ANK2: variants seen among roughly 807,000 people sequenced by gnomAD.
ANK2 encodes the protein ankyrin-2.
ANK2 carries 83 observed loss-of-function variants against 360.5 expected under a neutral mutation model. That is an observed-to-expected ratio of 0.23 (90% CI 0.19 to 0.28). ANK2 has a LOEUF of 0.28. Ranked by LOEUF, ANK2 falls within the 10% of genes least tolerant of loss-of-function variation. The pLI is 1.00. For missense variants in ANK2, 4,201 were observed against 4,795.7 expected (o/e 0.88, Z 3.66); for synonymous variants, 1,740 against 1,759.5 (o/e 0.99, Z 0.28).
intron 1 of ANK2, among the ~76,000 whole-genome samples, chr4:112,897,314 C>CAAAA (rs2082061777): frequency 6.6e-6 from 1 of 152,156 alleles, no homozygotes; most frequent in Non-Finnish European, 1.5e-5. Context: ...TTGTTCAATG[C>CAAAA]CTTTTGTTCA....
the ANK2 span, among the ~76,000 whole-genome samples, chr4:112,727,732 A>G: frequency 6.6e-6 from 1 of 152,180 alleles, no homozygotes; most frequent in Non-Finnish European, 1.5e-5. Context: ...TAACCCCAGC[A>G]CGTTGGGAGG....
chr4:113,363,544 G>A (rs2096359457), intron 40 of ANK2, 75 bp downstream of exon 40: 1 of 1,559,948 alleles, frequency 6.4e-7, no homozygotes, highest in Non-Finnish European at 8.8e-7. Context: ...TGCAAATTCA[G>A]TAGAATAGTA....
chr4:112,874,188 T>TCTC (rs1262186125), intron 1 of ANK2, among the ~76,000 whole-genome samples: 1 of 148,158 alleles, frequency 6.7e-6, no homozygotes, highest in Non-Finnish European at 1.5e-5. Flanking sequence ...TTCAAGCGAT[T>TCTC]CTCCTGCCTC....
chr4:113,201,423 T>A (rs1271650030), intron 4 of ANK2, among the ~76,000 whole-genome samples: 1 of 152,178 alleles, frequency 6.6e-6, no homozygotes, highest in Non-Finnish European at 1.5e-5. Context: ...ATTTCTGAAC[T>A]ATGGCTTTAG....
intron 2 of ANK2, among the ~76,000 whole-genome samples, chr4:112,951,870 C>T (rs2095041019): frequency 6.6e-6 from 1 of 152,134 alleles, no homozygotes; most frequent in Non-Finnish European, 1.5e-5. Flanking sequence ...GCTTTCATTG[C>T]TTTTTGCTGA....
chr4:112,741,061 C>T, the ANK2 span, among the ~76,000 whole-genome samples: 1 of 151,842 alleles, frequency 6.6e-6, no homozygotes, highest in Non-Finnish European at 1.5e-5. Flanking sequence ...AACTCCTTGC[C>T]TAAAGTGATC....
rs1294900398 is a variant in ANK2, at chr4:113,341,733, T to C, written c.3939T>C (p.Phe1313=). 2.5e-6 allele frequency: 4 copies of C among 1,614,172 alleles called. No homozygotes were observed. The South Asian group carries it at 4.4e-5, about 18-fold the overall frequency. The change falls in exon 33 of 46, where the codon TTT becomes TTC. Residue 1313 remains phenylalanine (F), a synonymous_variant. Transcript: ENST00000357077. The part of the protein sequence containing the change: ...DCRQIQESVT[F]ASQVYREIIC... ...GACAGATCCAGGAATCCGTTACTTT[T>C]GCATCACAAGTATACAGAGAAATTA...
chr4:113,324,440 C>T (rs1209953212), intron 26 of ANK2, among the ~76,000 whole-genome samples: 2 of 152,070 alleles, frequency 1.3e-5, no homozygotes, highest in Non-Finnish European at 2.9e-5. Flanking sequence ...ATTATACAGC[C>T]ATCCATTATG....
the ANK2 span, among the ~76,000 whole-genome samples, chr4:112,716,477 GC>G: frequency 1.3e-5 from 2 of 152,062 alleles, no homozygotes; most frequent in Non-Finnish European, 2.9e-5. Flanking sequence ...AGGTGTATAT[GC>G]TATTGTGAAA....
chr4:113,059,550 T>C (rs1379017799), intron 1 of ANK2, among the ~76,000 whole-genome samples: 1 of 152,108 alleles, frequency 6.6e-6, no homozygotes, highest in African/African-American at 2.4e-5. Flanking sequence ...AGAGTTATCA[T>C]AATGGTTCAT....
intron 1 of ANK2, among the ~76,000 whole-genome samples, chr4:112,826,145 T>C (rs2058365707): frequency 6.6e-6 from 1 of 152,224 alleles, no homozygotes; most frequent in East Asian, 1.9e-4. Context: ...TAATACTTCG[T>C]TTATTTAGGG....
At chr4:112,844,017 CA>C (rs779712610) in intron 1 of ANK2, among the ~76,000 whole-genome samples, 6 of 152,078 alleles carry the variant, frequency 3.9e-5, no homozygotes, top group Non-Finnish European at 2.9e-5. Flanking sequence ...TGCTAGACAA[CA>C]CAAAATTGTT....
At chr4:112,994,004 G>A (rs941972895) in intron 2 of ANK2, among the ~76,000 whole-genome samples, 1 of 152,044 alleles carries the variant, frequency 6.6e-6, no homozygotes, top group Non-Finnish European at 1.5e-5. Flanking sequence ...CACCATGCCC[G>A]GCCGGCAACT....
In ANK2 at chr4:113,355,552, A is replaced by T. The variant is rs771983465; in HGVS notation, c.6934A>T (p.Thr2312Ser). The change falls in exon 38 of 46, where the codon ACT becomes TCT. Residue 2312 changes from threonine to serine, a missense_variant. Thr to Ser is a moderately conservative substitution (Grantham distance 58). This residue lies in a region of ANK2 where 2,642 missense variants were observed against 2,714.5 expected (regional missense o/e 0.97). Coordinates refer to ENST00000357077, the MANE Select transcript of ANK2 (RefSeq NM_001148.6). ...TACTGAGAGTTTTCAGAAAGAGGCC[A>T]CTCTAGGCTCTCCCAAAGACACAAG... Reference protein sequence around the residue: ...TSTESFQKEATLGSPKDTSPK... With the variant: ...TSTESFQKEASLGSPKDTSPK... 6.2e-7 allele frequency: 1 copy of T among 1,613,908 alleles called. No homozygotes were observed. Among genetic ancestry groups the T allele is most frequent in the African/African-American group, 1.3e-5 (1 of 74,892 alleles).
chr4:112,727,052 G>T, the ANK2 span, among the ~76,000 whole-genome samples: 3 of 151,850 alleles, frequency 2.0e-5, no homozygotes, highest in Non-Finnish European at 4.4e-5. Context: ...ATAATTCAGA[G>T]ACTAGCTGTA....
chr4:113,098,375 A>C (rs1329460411), intron 1 of ANK2, among the ~76,000 whole-genome samples: 2 of 152,148 alleles, frequency 1.3e-5, no homozygotes, highest in East Asian at 3.9e-4. Flanking sequence ...AGAGGGATGG[A>C]TCATCACCGT....
intron 2 of ANK2, among the ~76,000 whole-genome samples, chr4:112,924,072 T>C (rs1008161780): frequency 8.5e-5 from 13 of 152,292 alleles, no homozygotes; most frequent in Non-Finnish European, 1.5e-4. Context: ...TTGAAACATC[T>C]CTAAAAGATG....
At chr4:113,266,829 A>G (rs1437733624) in intron 14 of ANK2, among the ~76,000 whole-genome samples, 2 of 152,262 alleles carry the variant, frequency 1.3e-5, no homozygotes, top group African/African-American at 4.8e-5. Context: ...GTGAGCTGAG[A>G]TCGTGCCATT....
At position 113,292,513 on chromosome 4, in the gene ANK2, C is replaced by A. The variant is rs749222485; in HGVS notation, c.2375C>A (p.Ala792Glu). 8 of 1,605,930 alleles carry A rather than the reference C, an allele frequency of 5.0e-6. No individual in the cohort carries two copies. In the South Asian group the frequency reaches 7.8e-5, roughly 16 times the overall value. ...GGGGCCAAGCCCAACGCCACCACTG[C>A]GGTAAGGCAGACGCCACTGCCCCTC... ...QHGAKPNATT[A>E]NGNTALAIAK... Residue 792 changes from alanine (A) to glutamate (E), a missense_variant and splice_region_variant, in exon 21 of 46, where the codon GCG (alanine) becomes GAG (glutamate). Physicochemically the swap from Ala to Glu is moderately radical, Grantham distance 107 (BLOSUM62 -1). Transcript: ENST00000357077.
Sources: allele counts gnomAD v4.1 joint callset (sites outside exome capture counted in the v4.1 genomes callset), GRCh38; gene constraint gnomAD v4.1.1; regional missense constraint gnomAD v4.1.1; transcripts MANE v1.5; gene names NCBI Gene and HGNC (gene_info 2026-07-23, HGNC 2026-07-21).